Variants in SCUBE1 observed in about 807,000 individuals in gnomAD.
The protein encoded by SCUBE1 is signal peptide, CUB domain and EGF like domain containing 1, also known as signal peptide, CUB and EGF-like domain-containing protein 1.
Under a neutral mutation model 124.4 loss-of-function variants are expected in SCUBE1, and 59 were observed. That is an observed-to-expected ratio of 0.47 (90% CI 0.38 to 0.59). SCUBE1 has a LOEUF of 0.59. Ranked by LOEUF, SCUBE1 falls within the 20% of genes least tolerant of loss-of-function variation. The pLI is 0.00. For missense variants in SCUBE1, 1,150 were observed against 1,371.2 expected (o/e 0.84, Z 2.55); for synonymous variants, 545 against 550.9 (o/e 0.99, Z 0.15).
At position 43,210,298 on chromosome 22, in the gene SCUBE1, G is replaced by A. The variant is rs753969449; in HGVS notation, c.2384-58C>T. ...GCTCTGCTGGGCAGGGGCCCTGGCC[G>A]GCCAGGCCTCTAACCACCTGGGAGG... On this transcript the variant is annotated intron_variant, in intron 18 of 21. Coordinates refer to ENST00000360835, the MANE Select transcript of SCUBE1 (RefSeq NM_173050.5). This position sits in a 1 kb window ranked among gnomAD's most constrained non-coding sequence, Gnocchi z 4.5. The A allele has an allele frequency of 5.3e-5, 75 of 1,422,756 alleles. No individual in the cohort carries two copies. The highest frequency in any genetic ancestry group is 1.0e-4 in the South Asian group (7 of 69,394). The allele number at this position is 1,422,756 out of a possible 1,614,324, so 88.1% of individuals were successfully genotyped here. A position where few individuals can be genotyped will look rare whatever the true frequency, so the allele number is the denominator to read the frequency against.
chr22:43,247,716 G>A (rs1923272121), intron 6 of SCUBE1, among the ~76,000 whole-genome samples: 1 of 152,252 alleles, frequency 6.6e-6, no homozygotes, highest in African/African-American at 2.4e-5. Flanking sequence ...AGGAGGAGCA[G>A]GCCGTTGCCC....
chr22:43,329,957 C>T (rs1034249383), intron 2 of SCUBE1, among the ~76,000 whole-genome samples: 9 of 151,880 alleles, frequency 5.9e-5, no homozygotes, highest in Admixed American at 5.2e-4. Flanking sequence ...CGAGAGGGCC[C>T]AGAGGAAGGG....
chr22:43,271,404 C>T (rs1001340615), intron 4 of SCUBE1, among the ~76,000 whole-genome samples: 1 of 152,232 alleles, frequency 6.6e-6, no homozygotes, highest in Non-Finnish European at 1.5e-5. Flanking sequence ...TAAACACAAG[C>T]TCACTGGTGA....
At chr22:43,205,995 T>C (rs1601791293) in intron 21 of SCUBE1, among the ~76,000 whole-genome samples, 1 of 49,468 alleles carries the variant, frequency 2.0e-5, no homozygotes. Context: ...CCACCCCCAC[T>C]CATCACACAC....
intron 11 of SCUBE1, 39 bp from the exon 12 acceptor site, chr22:43,222,781 C>T (rs1922150771): frequency 6.9e-7 from 1 of 1,459,762 alleles, no homozygotes; most frequent in Non-Finnish European, 9.4e-7. Context: ...CCTGGTGCTC[C>T]TCCCTCCCAC....
intron 6 of SCUBE1, among the ~76,000 whole-genome samples, chr22:43,249,638 G>A (rs533726340): frequency 1.7e-4 from 26 of 152,342 alleles, no homozygotes; most frequent in African/African-American, 6.3e-4. Context: ...GCTCCTTTGA[G>A]CCTGGCAGGG....
chr22:43,209,984 C>A, intron 19 of SCUBE1, 59 bp downstream of exon 19: 1 of 1,494,888 alleles, frequency 6.7e-7, no homozygotes, highest in Middle Eastern at 2.1e-4. Flanking sequence ...AGAACCGCAG[C>A]GAGACGGGGG....
intron 5 of SCUBE1, among the ~76,000 whole-genome samples, chr22:43,259,216 G>C (rs1276668211): frequency 1.3e-5 from 2 of 152,202 alleles, no homozygotes; most frequent in African/African-American, 4.8e-5. Flanking sequence ...TGCTCCCCAG[G>C]GGGTGCAGGG....
At chr22:43,331,388 A>G (rs74722324) in intron 2 of SCUBE1, among the ~76,000 whole-genome samples, 7,329 of 152,284 alleles carry the variant, frequency 0.048, 606 homozygotes, top group African/African-American at 0.17. Context: ...TATTTCCCCC[A>G]AGAGTTTTAA....
chr22:43,298,793 C>T (rs1202250492), intron 3 of SCUBE1, among the ~76,000 whole-genome samples: 1 of 149,810 alleles, frequency 6.7e-6, no homozygotes, highest in African/African-American at 2.4e-5. Flanking sequence ...TGGCTCACGC[C>T]TGTAATCCCA....
intron 15 of SCUBE1, among the ~76,000 whole-genome samples, chr22:43,217,403 G>A (rs1252751743): frequency 6.6e-6 from 1 of 151,182 alleles, no homozygotes; most frequent in East Asian, 2.0e-4. Flanking sequence ...GCCGGCGTCA[G>A]GAAGCGATAC....
intron 6 of SCUBE1, among the ~76,000 whole-genome samples, chr22:43,246,147 T>C (rs17516897): frequency 0.075 from 11,356 of 152,174 alleles, 573 homozygotes; most frequent in Admixed American, 0.16. Flanking sequence ...GGAGGTTTCA[T>C]ATTAAAGCAG....
chr22:43,275,608 C>T (rs192765157), intron 4 of SCUBE1, among the ~76,000 whole-genome samples: 1 of 152,296 alleles, frequency 6.6e-6, no homozygotes, highest in East Asian at 1.9e-4. Flanking sequence ...TGCACGCCTG[C>T]CTAAGAGTCA....
At chr22:43,275,734 A>T (rs1924481822) in intron 4 of SCUBE1, among the ~76,000 whole-genome samples, 2 of 152,260 alleles carry the variant, frequency 1.3e-5, no homozygotes. Flanking sequence ...ACACATACCG[A>T]GGTTGTAATC....
At chr22:43,214,058 A>ACCCCCCCCCCCC in intron 16 of SCUBE1, 32 bp downstream of exon 16, 2 of 214,036 alleles carry the variant, frequency 9.3e-6, no homozygotes, top group South Asian at 3.9e-5. Context: ...CCCACCCCCC[A>ACCCCCCCCCCCC]CCCCCACCTC....
intron 4 of SCUBE1, among the ~76,000 whole-genome samples, chr22:43,263,659 A>C (rs1214166585): frequency 6.6e-6 from 1 of 152,268 alleles, no homozygotes; most frequent in Non-Finnish European, 1.5e-5. Flanking sequence ...CACAGAATAG[A>C]TTTAAGAACA....
At chr22:43,300,162 T>C (rs1242324864) in intron 3 of SCUBE1, among the ~76,000 whole-genome samples, 1 of 152,182 alleles carries the variant, frequency 6.6e-6, no homozygotes, top group African/African-American at 2.4e-5. Flanking sequence ...TGTCACATCA[T>C]CTGGTAACTC....
At chr22:43,248,653 G>T (rs1346167439) in intron 6 of SCUBE1, among the ~76,000 whole-genome samples, 1 of 152,254 alleles carries the variant, frequency 6.6e-6, no homozygotes, top group Non-Finnish European at 1.5e-5. Context: ...GAGCTCAGTG[G>T]GCAGGGAGGC....
intron 13 of SCUBE1, among the ~76,000 whole-genome samples, 177 bp downstream of exon 13, chr22:43,220,996 G>A (rs540040144): frequency 1.3e-5 from 2 of 152,238 alleles, no homozygotes; most frequent in African/African-American, 2.4e-5. Context: ...CTTGCCCTCC[G>A]CTGTTTCCCC....
Sources: allele counts gnomAD v4.1 joint callset (sites outside exome capture counted in the v4.1 genomes callset), GRCh38; gene constraint gnomAD v4.1.1; non-coding constraint Gnocchi (gnomAD v3.1); transcripts MANE v1.5; gene names NCBI Gene and HGNC (gene_info 2026-07-23, HGNC 2026-07-21).